The following IGF2BP2 variants were observed in gnomAD, a reference collection of about 807,000 sequenced individuals.
IGF2BP2 encodes insulin-like growth factor 2 mRNA-binding protein 2.
Under a neutral mutation model 75.8 loss-of-function variants are expected in IGF2BP2, and 17 were observed. That is an observed-to-expected ratio of 0.22 (90% CI 0.15 to 0.34). The LOEUF (loss-of-function observed/expected upper bound fraction) is 0.34. IGF2BP2 is among the 10% of genes least tolerant of loss of function. IGF2BP2 has a pLI of 1.00. For missense variants in IGF2BP2, 516 were observed against 772.4 expected, an observed-to-expected ratio of 0.67 and a Z score of 3.93; for synonymous variants, 288 against 295.6, an observed-to-expected ratio of 0.97 and a Z score of 0.26.
At chr3:185,667,475 C>T (rs556582843) in intron 10 of IGF2BP2, among the ~76,000 whole-genome samples, 12 of 152,102 alleles carry the variant, frequency 7.9e-5, no homozygotes, top group Admixed American at 5.2e-4. Flanking sequence ...CAACATAGCA[C>T]GGTCTCTTAA....
chr3:185,680,840 GA>G (rs1317588838), intron 7 of IGF2BP2, among the ~76,000 whole-genome samples: 1 of 146,422 alleles, frequency 6.8e-6, no homozygotes, highest in Non-Finnish European at 1.5e-5. Flanking sequence ...GAAGGGGGGG[GA>G]ACTACATGAT....
At chr3:185,669,056 A>G (rs1392612081) in intron 10 of IGF2BP2, among the ~76,000 whole-genome samples, 1 of 152,210 alleles carries the variant, frequency 6.6e-6, no homozygotes, top group Non-Finnish European at 1.5e-5. Flanking sequence ...TTGTTTAGTC[A>G]TATAATTTAA....
rs1254652559 is a variant in IGF2BP2 at position 185,647,725 on chromosome 3, G to A, written c.1594-587C>T. On this transcript the variant is annotated intron_variant, in intron 14 of 15. Coordinates refer to ENST00000382199, the MANE Select transcript of IGF2BP2 (RefSeq NM_006548.6). This position sits in a 1 kb window ranked among gnomAD's most constrained non-coding sequence, Gnocchi z 4.9. ...GCCTCCAGCCCATGCTGAGCTCCTC[G>A]TGTCTCCAACCACTGCCTGCATTGT... Among the ~76,000 whole-genome samples, 1 of 152,146 alleles carries A rather than the reference G, an allele frequency of 6.6e-6. No homozygotes were observed. The highest frequency in any genetic ancestry group is 1.5e-5 in the Non-Finnish European group (1 of 68,032).
intron 2 of IGF2BP2, among the ~76,000 whole-genome samples, chr3:185,714,708 G>A (rs1004701437): frequency 1.3e-5 from 2 of 152,130 alleles, no homozygotes; most frequent in African/African-American, 2.4e-5. Context: ...AGCACTTTGG[G>A]AGGCCAAGTC....
chr3:185,731,519 C>T (rs189879189), intron 2 of IGF2BP2, among the ~76,000 whole-genome samples: 10 of 152,150 alleles, frequency 6.6e-5, no homozygotes, highest in African/African-American at 2.4e-4. Flanking sequence ...TCCCAAAGTG[C>T]TAAGATAACA....
intron 2 of IGF2BP2, among the ~76,000 whole-genome samples, chr3:185,771,528 A>G (rs1401640688): frequency 6.6e-6 from 1 of 152,110 alleles, no homozygotes; most frequent in Non-Finnish European, 1.5e-5. Flanking sequence ...TAAAACATGT[A>G]GGTAATGAGA....
chr3:185,821,368 T>C (rs1433675304), intron 2 of IGF2BP2, among the ~76,000 whole-genome samples: 1 of 152,224 alleles, frequency 6.6e-6, no homozygotes, highest in African/African-American at 2.4e-5. Context: ...GTATAAATCC[T>C]AGATTGCTCT....
intron 7 of IGF2BP2, 95 bp downstream of exon 7, chr3:185,686,962 G>T: frequency 2.2e-6 from 3 of 1,382,056 alleles, no homozygotes; most frequent in Non-Finnish European, 2.0e-6. Context: ...CTGAGTAACA[G>T]ATTTGGAGTT....
At chr3:185,669,123 G>GA (rs1273049173) in intron 10 of IGF2BP2, among the ~76,000 whole-genome samples, 2 of 152,218 alleles carry the variant, frequency 1.3e-5, no homozygotes, top group African/African-American at 2.4e-5. Flanking sequence ...TGGTATGGAA[G>GA]AAAAAATCTT....
intron 2 of IGF2BP2, among the ~76,000 whole-genome samples, chr3:185,731,983 A>G (rs1276455252): frequency 6.7e-6 from 1 of 149,488 alleles, no homozygotes; most frequent in Non-Finnish European, 1.5e-5. Flanking sequence ...CTCCGTCTCA[A>G]AAAAAAAAAA....
At position 185,820,541 on chromosome 3, in the gene IGF2BP2, G is replaced by A. The variant is rs73885779; in HGVS notation, c.239+2612C>T. ...TGCATTTAATAAGAATAAAACATAC[G>A]CTGCAAAAAGAAAAGAGTTTTCTAT... On this transcript the variant is annotated intron_variant, in intron 2 of 15. Transcript: ENST00000382199. 3.5e-3 allele frequency among the ~76,000 whole-genome samples: 527 copies of A among 152,034 alleles called. 2 individuals carry two copies. The highest frequency in any genetic ancestry group is 0.012 in the African/African-American group (501 of 41,510).
chr3:185,735,207 A>G (rs901098881), intron 2 of IGF2BP2, among the ~76,000 whole-genome samples: 2 of 148,842 alleles, frequency 1.3e-5, no homozygotes, highest in Non-Finnish European at 3.0e-5. Flanking sequence ...GTGCAGCGGC[A>G]TGAACTCAGC....
chr3:185,799,565 G>A (rs1264620014), intron 2 of IGF2BP2, among the ~76,000 whole-genome samples: 4 of 152,040 alleles, frequency 2.6e-5, no homozygotes, highest in African/African-American at 7.2e-5. Flanking sequence ...TGGCTAACAC[G>A]GTGAAACCCC....
In IGF2BP2 at chr3:185,655,874, G is replaced by A. The variant is rs138850924; in HGVS notation, c.1386+1412C>T. ...GGACAAGCCAGTGAAAACTCCCTAG[G>A]CCCCAGCTCCTCATGGGCAATAGTA... is the stretch of plus-strand genomic sequence containing the variant. On this transcript the variant is annotated intron_variant, in intron 12 of 15. Coordinates refer to ENST00000382199, the MANE Select transcript of IGF2BP2 (RefSeq NM_006548.6). Among the ~76,000 whole-genome samples, 18 of 152,302 alleles carry A rather than the reference G, an allele frequency of 1.2e-4. No homozygotes were observed. The East Asian group carries it at 3.5e-3, about 29-fold the overall frequency.
At chr3:185,779,304 C>T (rs955405241) in intron 2 of IGF2BP2, among the ~76,000 whole-genome samples, 13 of 152,152 alleles carry the variant, frequency 8.5e-5, no homozygotes, top group Admixed American at 3.9e-4. Context: ...GTATTGTGAG[C>T]ATTTCCACAG....
chr3:185,737,376 C>G (rs1205037930), intron 2 of IGF2BP2, among the ~76,000 whole-genome samples: 2 of 152,196 alleles, frequency 1.3e-5, no homozygotes, highest in East Asian at 1.9e-4. Context: ...AAATATTGGA[C>G]TGGGAGTCAA....
At chr3:185,699,792 T>A (rs1002687598) in intron 2 of IGF2BP2, among the ~76,000 whole-genome samples, 3 of 152,168 alleles carry the variant, frequency 2.0e-5, no homozygotes, top group African/African-American at 7.2e-5. Flanking sequence ...ATTTAATCCA[T>A]CCCCTACTAA....
At chr3:185,734,693 G>C (rs1283389052) in intron 2 of IGF2BP2, among the ~76,000 whole-genome samples, 1 of 152,202 alleles carries the variant, frequency 6.6e-6, no homozygotes, top group East Asian at 1.9e-4. Context: ...TAATTTTCCT[G>C]CTTACAGCAG....
chr3:185,677,247 T>G (rs1194709511), intron 7 of IGF2BP2, among the ~76,000 whole-genome samples: 1 of 151,728 alleles, frequency 6.6e-6, no homozygotes, highest in Non-Finnish European at 1.5e-5. Flanking sequence ...GACTGGATTA[T>G]GCATACAACA....
Sources: allele counts gnomAD v4.1 joint callset (sites outside exome capture counted in the v4.1 genomes callset), GRCh38; gene constraint gnomAD v4.1.1; non-coding constraint Gnocchi (gnomAD v3.1); transcripts MANE v1.5; gene names NCBI Gene and HGNC (gene_info 2026-07-23, HGNC 2026-07-21).